The following MAGI1 variants were observed in gnomAD, a reference collection of about 807,000 sequenced individuals.
MAGI1 encodes membrane associated guanylate kinase, WW and PDZ domain containing 1.
Under a neutral mutation model 139.9 loss-of-function variants are expected in MAGI1, and 58 were observed. The ratio of observed to expected loss-of-function variants is 0.41; its 90% CI spans 0.34 to 0.52. The LOEUF (loss-of-function observed/expected upper bound fraction) is 0.52. Ranked by LOEUF, MAGI1 falls within the 20% of genes least tolerant of loss-of-function variation. MAGI1 has a pLI of 0.12. For missense variants in MAGI1, 1,874 were observed against 1,901.6 expected (o/e 0.99, Z 0.27); for synonymous variants, 812 against 737.9 (o/e 1.10, Z -1.63).
chr3:65,953,184 G>A (rs1450662081), intron 1 of MAGI1, among the ~76,000 whole-genome samples: 2 of 152,148 alleles, frequency 1.3e-5, no homozygotes, highest in Non-Finnish European at 2.9e-5. Context: ...CAAAGGTTCT[G>A]ATCAAATCTT....
At chr3:65,782,786 T>G (rs2039042702) in intron 1 of MAGI1, among the ~76,000 whole-genome samples, 2 of 151,942 alleles carry the variant, frequency 1.3e-5, no homozygotes, top group East Asian at 3.9e-4. Flanking sequence ...GTTTGCAATA[T>G]AAGTGTTATC....
At chr3:65,976,435 G>C (rs1177614472) in intron 1 of MAGI1, among the ~76,000 whole-genome samples, 1 of 152,050 alleles carries the variant, frequency 6.6e-6, no homozygotes, top group Admixed American at 6.6e-5. Context: ...TTCAAGACCA[G>C]CCTGGCCAAC....
At chr3:65,539,881 C>T (rs975831657) in intron 2 of MAGI1, among the ~76,000 whole-genome samples, 3 of 152,172 alleles carry the variant, frequency 2.0e-5, no homozygotes, top group East Asian at 1.9e-4. Context: ...GAGCACTAAC[C>T]CTAGGCTTCT....
chr3:65,532,189 A>G (rs1304534550), intron 2 of MAGI1, among the ~76,000 whole-genome samples: 1 of 152,172 alleles, frequency 6.6e-6, no homozygotes, highest in Admixed American at 6.5e-5. Context: ...CAACGTTCCA[A>G]TCATTTCCTA....
At chr3:66,032,432 G>A (rs1288279224) in intron 1 of MAGI1, among the ~76,000 whole-genome samples, 1 of 141,200 alleles carries the variant, frequency 7.1e-6, no homozygotes, top group Non-Finnish European at 1.5e-5. Flanking sequence ...ATCTTGGCCA[G>A]GCTGGTCTTG....
At chr3:65,818,996 G>A (rs1264304647) in intron 1 of MAGI1, among the ~76,000 whole-genome samples, 1 of 151,996 alleles carries the variant, frequency 6.6e-6, no homozygotes. Context: ...TTATTAACAA[G>A]GCATATGGTC....
intron 18 of MAGI1, among the ~76,000 whole-genome samples, chr3:65,374,313 C>CTT (rs3072933): frequency 0.045 from 4,311 of 94,922 alleles, 109 homozygotes; most frequent in Non-Finnish European, 0.054. Flanking sequence ...ATCAACTTAA[C>CTT]TTTTTTTTTT....
At chr3:65,823,545 C>T (rs2042058763) in intron 1 of MAGI1, among the ~76,000 whole-genome samples, 1 of 152,220 alleles carries the variant, frequency 6.6e-6, no homozygotes, top group African/African-American at 2.4e-5. Context: ...CCACAGCCTG[C>T]TTCTCCTGAC....
chr3:65,838,505 GT>G (rs1166429573), intron 1 of MAGI1, among the ~76,000 whole-genome samples: 2 of 152,168 alleles, frequency 1.3e-5, no homozygotes, highest in Non-Finnish European at 2.9e-5. Context: ...TTTAGAGATT[GT>G]TTTTTCGTCA....
intron 1 of MAGI1, among the ~76,000 whole-genome samples, chr3:65,997,429 G>A (rs905295197): frequency 7.9e-5 from 12 of 152,160 alleles, no homozygotes; most frequent in Admixed American, 2.6e-4. Context: ...GGCTGAGGCA[G>A]GTGGATCACG....
intron 2 of MAGI1, among the ~76,000 whole-genome samples, chr3:65,496,043 T>C (rs531045505): frequency 2.8e-4 from 42 of 152,164 alleles, no homozygotes; most frequent in Non-Finnish European, 5.1e-4. Context: ...TTGGTTTTTC[T>C]TTTATTTTCC....
chr3:65,569,001 C>T (rs2080814854), intron 2 of MAGI1, among the ~76,000 whole-genome samples: 1 of 152,196 alleles, frequency 6.6e-6, no homozygotes, highest in South Asian at 2.1e-4. Flanking sequence ...TTGGCTCACA[C>T]AGTACTTTAA....
intron 2 of MAGI1, among the ~76,000 whole-genome samples, chr3:65,543,627 C>A (rs2079353502): frequency 6.6e-6 from 1 of 152,106 alleles, no homozygotes; most frequent in South Asian, 2.1e-4. Flanking sequence ...TGGAAACCAT[C>A]ATTCTCAGCA....
intron 2 of MAGI1, among the ~76,000 whole-genome samples, chr3:65,607,789 T>G (rs2082824976): frequency 6.6e-6 from 1 of 152,212 alleles, no homozygotes; most frequent in Non-Finnish European, 1.5e-5. Flanking sequence ...CAAGTGTTCC[T>G]TTGAACAAAT....
At chr3:65,633,063 G>C (rs2084404106) in intron 1 of MAGI1, among the ~76,000 whole-genome samples, 1 of 152,194 alleles carries the variant, frequency 6.6e-6, no homozygotes, top group Non-Finnish European at 1.5e-5. Flanking sequence ...TCAGCAATCT[G>C]TGTTTTAACA....
chr3:65,887,278 T>C (rs1280688239), intron 1 of MAGI1, among the ~76,000 whole-genome samples: 2 of 151,920 alleles, frequency 1.3e-5, no homozygotes, highest in Non-Finnish European at 2.9e-5. Flanking sequence ...TTCTACTTTA[T>C]ATTCCTGTGT....
At chr3:65,530,543 G>A (rs962358748) in intron 2 of MAGI1, among the ~76,000 whole-genome samples, 5 of 150,906 alleles carry the variant, frequency 3.3e-5, no homozygotes, top group East Asian at 2.0e-4. Context: ...CTTCAGCCCA[G>A]GAGGCAGAGG....
chr3:65,430,632 T>G (rs1947387149), intron 11 of MAGI1, 67 bp downstream of exon 11: 1 of 1,522,406 alleles, frequency 6.6e-7, no homozygotes, highest in Non-Finnish European at 8.9e-7. Context: ...ACATCATGAT[T>G]GCACATGTTT....
chr3:65,737,687 G>A (rs1035068540), intron 1 of MAGI1, among the ~76,000 whole-genome samples: 4 of 152,116 alleles, frequency 2.6e-5, no homozygotes, highest in African/African-American at 4.8e-5. Flanking sequence ...AGGTGGCTGG[G>A]GTCAAACCAC....
Sources: gnomAD v4.1 joint callset for allele counts (sites outside exome capture counted in the v4.1 genomes callset) on GRCh38, gnomAD v4.1.1 for gene constraint, MANE v1.5 for transcripts, NCBI Gene and HGNC (gene_info 2026-07-23, HGNC 2026-07-21) for gene names.